Variants in SLC13A1 observed in about 807,000 individuals in gnomAD.
SLC13A1 encodes solute carrier family 13 member 1.
A neutral mutation model predicts 70.0 loss-of-function variants in SLC13A1; 65 were observed. The ratio of observed to expected loss-of-function variants is 0.93; its 90% CI spans 0.76 to 1.14. The LOEUF (loss-of-function observed/expected upper bound fraction) is 1.14, where lower values mean the gene tolerates loss of function less well. Among genes scored for constraint, SLC13A1 ranks in the 50% most tolerant of loss-of-function variants. The pLI, the probability that SLC13A1 is intolerant of heterozygous loss-of-function variation, is 0.00. For synonymous variants in SLC13A1, 275 were observed against 250.5 expected, an observed-to-expected ratio of 1.10 and a Z score of -0.92; for missense variants, 726 against 717.8, an observed-to-expected ratio of 1.01 and a Z score of -0.13.
intron 12 of SLC13A1, among the ~76,000 whole-genome samples, chr7:123,119,758 T>G (rs969013117): frequency 8.0e-5 from 12 of 149,674 alleles, no homozygotes; most frequent in Admixed American, 2.7e-4. Flanking sequence ...TACATGATAA[T>G]TCAGCTCTCT....
At chr7:123,159,937 G>T (rs1284092459) in intron 6 of SLC13A1, among the ~76,000 whole-genome samples, 1 of 151,924 alleles carries the variant, frequency 6.6e-6, no homozygotes, top group African/African-American at 2.4e-5. Flanking sequence ...CTTTATAAAA[G>T]CTGGTAGTGT....
At chr7:123,196,612 C>T (rs1796193281) in intron 1 of SLC13A1, among the ~76,000 whole-genome samples, 1 of 152,054 alleles carries the variant, frequency 6.6e-6, no homozygotes, top group Admixed American at 6.6e-5. Flanking sequence ...GGCTCTGGGA[C>T]ACCCAGCAAA....
intron 6 of SLC13A1, among the ~76,000 whole-genome samples, chr7:123,156,849 G>A (rs2116474499): frequency 6.6e-6 from 1 of 152,118 alleles, no homozygotes; most frequent in Middle Eastern, 3.4e-3. Flanking sequence ...CCCTTCAGAT[G>A]AATCACTGAC....
chr7:123,199,729 G>T, intron 1 of SLC13A1, 119 bp downstream of exon 1: 1 of 682,316 alleles, frequency 1.5e-6, no homozygotes, highest in Non-Finnish European at 2.5e-6. Context: ...CCTGACTTTA[G>T]GTATGAAGGG....
chr7:123,164,642 A>G (rs1795013704), intron 6 of SLC13A1, among the ~76,000 whole-genome samples: 1 of 151,662 alleles, frequency 6.6e-6, no homozygotes, highest in African/African-American at 2.4e-5. Context: ...TGCATGTGCA[A>G]GTTTGTTATA....
chr7:123,174,439 G>T (rs547867726), intron 2 of SLC13A1, among the ~76,000 whole-genome samples: 155 of 152,180 alleles, frequency 1.0e-3, no homozygotes, highest in Non-Finnish European at 1.9e-3. Context: ...AGACCTAAAG[G>T]TCAGCCATGA....
At chr7:123,143,799 A>G (rs569837160) in intron 7 of SLC13A1, among the ~76,000 whole-genome samples, 2 of 152,148 alleles carry the variant, frequency 1.3e-5, no homozygotes, top group African/African-American at 2.4e-5. Context: ...GTATTCCACC[A>G]TCTTGCTCTG....
intron 8 of SLC13A1, among the ~76,000 whole-genome samples, chr7:123,133,938 A>G (rs1416041918): frequency 6.6e-6 from 1 of 152,128 alleles, no homozygotes; most frequent in Non-Finnish European, 1.5e-5. Context: ...CGCAAGCTCA[A>G]GCAATCCTTC....
chr7:123,173,597 C>T (rs576367797), intron 2 of SLC13A1, among the ~76,000 whole-genome samples: 6 of 152,096 alleles, frequency 3.9e-5, no homozygotes, highest in East Asian at 3.9e-4. Context: ...ATCATAGAGC[C>T]GTGTTTGGTT....
In SLC13A1 at chr7:123,119,083, A is replaced by G. The variant is rs747071093; in HGVS notation, c.1510T>C (p.Leu504=). ...ITLFLPILSP[L]AEAIHVNPLY... ...AAGGGGATAAATGAGATACTCACCA[A>G]TGGAGATAATATTGGGAGAAAGAGT... is the stretch of plus-strand genomic sequence containing the variant. The change falls in exon 13 of 15, where the codon TTG becomes CTG. Residue 504 remains leucine, a splice_region_variant and synonymous_variant. Coordinates refer to ENST00000194130, the MANE Select transcript of SLC13A1 (RefSeq NM_022444.4). The G allele has an allele frequency of 3.1e-6, 5 of 1,611,504 alleles. No homozygotes were observed. Among genetic ancestry groups the G allele is most frequent in the Non-Finnish European group, 2.5e-6 (3 of 1,178,494 alleles).
At chr7:123,165,817 T>C (rs13246382) in intron 6 of SLC13A1, among the ~76,000 whole-genome samples, 1 of 152,212 alleles carries the variant, frequency 6.6e-6, no homozygotes, top group African/African-American at 2.4e-5. Context: ...TTAGTTGTAC[T>C]CTCTGATTAG....
intron 9 of SLC13A1, 31 bp from the exon 10 acceptor site, chr7:123,128,977 T>C (rs750988648): frequency 7.0e-7 from 1 of 1,438,138 alleles, no homozygotes; most frequent in South Asian, 1.2e-5. Flanking sequence ...CATCACTTCT[T>C]ATTTTCTCAG....
chr7:123,163,471 C>T (rs1364596608), intron 6 of SLC13A1, among the ~76,000 whole-genome samples: 2 of 152,012 alleles, frequency 1.3e-5, no homozygotes, highest in African/African-American at 2.4e-5. Context: ...AGTGACTCTT[C>T]GATGTGAATA....
chr7:123,178,404 G>A (rs1192880816), intron 2 of SLC13A1, among the ~76,000 whole-genome samples: 1 of 152,022 alleles, frequency 6.6e-6, no homozygotes, highest in East Asian at 1.9e-4. Flanking sequence ...CAGTGGGCAG[G>A]AATTATAGTT....
Position 123,115,288 on chromosome 7 carries a change from C to A in SLC13A1, c.*230G>T. 3.5e-6 allele frequency: 1 copy of A among 287,718 alleles called. No individual in the cohort carries two copies. The highest frequency in any genetic ancestry group is 6.2e-6 in the Non-Finnish European group (1 of 160,054). 17.8% of individuals were successfully genotyped at this position (287,718 alleles called of 1,614,324 possible). ...GTTGCAGATGGTTCATGAGCAAAAT[C>A]TCAAAACATGGGCTTCTTGATGAAG... On this transcript the variant is annotated 3_prime_UTR_variant, in exon 15 of 15. Transcript: ENST00000194130.
chr7:123,199,581 T>C (rs984445519), intron 1 of SLC13A1, among the ~76,000 whole-genome samples: 2 of 152,094 alleles, frequency 1.3e-5, no homozygotes, highest in Non-Finnish European at 2.9e-5. Flanking sequence ...GCTTCTTTTG[T>C]TCTTCCTCTC....
intron 6 of SLC13A1, among the ~76,000 whole-genome samples, chr7:123,155,096 A>G (rs1794668566): frequency 6.6e-6 from 1 of 152,088 alleles, no homozygotes; most frequent in East Asian, 1.9e-4. Flanking sequence ...CTGAAAACTC[A>G]AAGATTTTAA....
At chr7:123,148,135 AT>A (rs537511340) in intron 6 of SLC13A1, among the ~76,000 whole-genome samples, 10 of 151,926 alleles carry the variant, frequency 6.6e-5, no homozygotes, top group South Asian at 2.1e-4. Flanking sequence ...AAATAAATCC[AT>A]TTTTTTTAAG....
intron 6 of SLC13A1, among the ~76,000 whole-genome samples, chr7:123,160,105 C>T (rs1394869140): frequency 3.0e-4 from 46 of 151,654 alleles, no homozygotes; most frequent in Non-Finnish European, 7.4e-5. Flanking sequence ...AACATAGTGA[C>T]ATCCCTTCTT....
Sources: gnomAD v4.1 joint callset for allele counts (sites outside exome capture counted in the v4.1 genomes callset) on GRCh38, gnomAD v4.1.1 for gene constraint, MANE v1.5 for transcripts, NCBI Gene and HGNC (gene_info 2026-07-23, HGNC 2026-07-21) for gene names.